The following SEPTIN9 variants were observed in gnomAD, a reference collection of about 807,000 sequenced individuals.
SEPTIN9 encodes the protein septin-9.
A neutral mutation model predicts 56.6 loss-of-function variants in SEPTIN9; 13 were observed. The observed-to-expected ratio is 0.23, with a 90% CI of 0.15 to 0.37. SEPTIN9 has a LOEUF of 0.37. Ranked by LOEUF, SEPTIN9 falls within the 10% of genes least tolerant of loss-of-function variation. The pLI is 1.00. For synonymous variants in SEPTIN9, 332 were observed against 334.1 expected (o/e 0.99, Z 0.07); for missense variants, 650 against 823.1 (o/e 0.79, Z 2.57).
intron 2 of SEPTIN9, among the ~76,000 whole-genome samples, chr17:77,311,760 C>T (rs960854396): frequency 1.4e-4 from 21 of 152,252 alleles, no homozygotes; most frequent in Admixed American, 1.2e-3. Flanking sequence ...CAAAGTGTGT[C>T]GGACGAACAG....
intron 3 of SEPTIN9, among the ~76,000 whole-genome samples, chr17:77,481,669 G>A (rs1442202560): frequency 6.6e-6 from 1 of 152,234 alleles, no homozygotes; most frequent in Non-Finnish European, 1.5e-5. Context: ...AGGCCTTTGA[G>A]TGGCAGCAGG....
intron 3 of SEPTIN9, among the ~76,000 whole-genome samples, chr17:77,460,463 CCTT>C (rs1284692037): frequency 2.5e-4 from 38 of 152,302 alleles, no homozygotes; most frequent in African/African-American, 8.7e-4. Flanking sequence ...GGGCCCCTCT[CCTT>C]CTGGGTCCTA....
At position 77,405,251 on chromosome 17, in the gene SEPTIN9, A is replaced by C. The variant is rs1598321457; in HGVS notation, c.721+2548A>C. 2 of 903,402 alleles carry C rather than the reference A, an allele frequency of 2.2e-6. No individual in the cohort carries two copies. Among genetic ancestry groups the C allele is most frequent in the Non-Finnish European group, 3.3e-6 (2 of 600,658 alleles). 56.0% of individuals were successfully genotyped at this position (903,402 alleles called of 1,614,324 possible). Reference sequence around the variant, plus strand: ...GCCGGGAGCCAGGCCCAGGGACACAACCTGCGGGCTCTGCTTTCTGGAGCT... The same window carrying C: ...GCCGGGAGCCAGGCCCAGGGACACACCCTGCGGGCTCTGCTTTCTGGAGCT... On this transcript the variant is annotated intron_variant, in intron 3 of 11. Transcript: ENST00000427177. This position sits in a 1 kb window ranked among gnomAD's most constrained non-coding sequence, Gnocchi z 5.8.
In SEPTIN9 at chr17:77,357,276, G is replaced by A. The variant is rs142748223; in HGVS notation, c.77-44783G>A. 2.3e-4 allele frequency among the ~76,000 whole-genome samples: 35 copies of A among 152,258 alleles called. No homozygotes were observed. The East Asian group carries it at 6.4e-3, about 28-fold the overall frequency. On this transcript the variant is annotated intron_variant, in intron 2 of 11. Transcript: ENST00000427177. ...ACAAGGACACATCCACAGGGGCAGGGCTGAAAGTCTGATGCATGGTGTTTT... is the reference window on the plus strand; with the variant it reads ...ACAAGGACACATCCACAGGGGCAGGACTGAAAGTCTGATGCATGGTGTTTT...
At chr17:77,458,170 C>T (rs1295749026) in intron 3 of SEPTIN9, among the ~76,000 whole-genome samples, 2 of 152,230 alleles carry the variant, frequency 1.3e-5, no homozygotes, top group African/African-American at 2.4e-5. Flanking sequence ...CCACCATAGT[C>T]GCTTTCCACC....
Position 77,317,067 on chromosome 17 carries a change from T to C in SEPTIN9, c.76+9870T>C, listed in dbSNP as rs1395590248. On this transcript the variant is annotated intron_variant, in intron 2 of 11. Coordinates refer to ENST00000427177, the MANE Select transcript of SEPTIN9 (RefSeq NM_001113491.2). This position sits in a 1 kb window ranked among gnomAD's most constrained non-coding sequence, Gnocchi z 4.2. ...TAGTGGTTGGCTTAACACAATGTTT[T>C]AGGAAGAAATAGAATAACAGAAAGC... Among the ~76,000 whole-genome samples the C allele has an allele frequency of 2.0e-5, 3 of 152,184 alleles. No individual in the cohort carries two copies. The highest frequency in any genetic ancestry group is 7.2e-5 in the African/African-American group (3 of 41,428).
At chr17:77,387,554 G>A (rs2035379561) in intron 2 of SEPTIN9, among the ~76,000 whole-genome samples, 2 of 152,188 alleles carry the variant, frequency 1.3e-5, no homozygotes, top group South Asian at 4.1e-4. Flanking sequence ...TGAGCGGAGG[G>A]AACGCTGCTG....
At chr17:77,431,830 CAAAAAAAAAAA>C (rs61461406) in intron 3 of SEPTIN9, among the ~76,000 whole-genome samples, 2 of 55,250 alleles carry the variant, frequency 3.6e-5, no homozygotes, top group Non-Finnish European at 8.2e-5. Context: ...AATGCTGTCT[CAAAAAAAAAAA>C]AAAAAAAAAA....
intron 2 of SEPTIN9, among the ~76,000 whole-genome samples, chr17:77,345,934 GTTTTGTTTTGTT>G (rs1568005453): frequency 2.1e-4 from 2 of 9,638 alleles, no homozygotes; most frequent in African/African-American, 9.2e-4. Flanking sequence ...TTTTTTTGTT[GTTTTGTTTTGTT>G]TTGTTTTGTT....
At chr17:77,356,669 T>TC (rs1430175939) in intron 2 of SEPTIN9, among the ~76,000 whole-genome samples, 1 of 45,046 alleles carries the variant, frequency 2.2e-5, no homozygotes. Flanking sequence ...CTGCTTTCCC[T>TC]CCCCCTCCCC....
chr17:77,352,299 C>T (rs2034090649), intron 2 of SEPTIN9, among the ~76,000 whole-genome samples: 1 of 151,390 alleles, frequency 6.6e-6, no homozygotes, highest in Non-Finnish European at 1.5e-5. Flanking sequence ...CCCAGCTGCT[C>T]AGGAGGCTGA....
In SEPTIN9 at chr17:77,313,481, A is replaced by G. The variant is rs1274619205; in HGVS notation, c.76+6284A>G. On this transcript the variant is annotated intron_variant, in intron 2 of 11. Coordinates refer to ENST00000427177, the MANE Select transcript of SEPTIN9 (RefSeq NM_001113491.2). This position sits in a 1 kb window ranked among gnomAD's most constrained non-coding sequence, Gnocchi z 4.5. The stretch of plus-strand genomic sequence containing the variant: ...TAGGAACAGCCAAAGTCTGAGGCAC[A>G]ATAAAAAGTGGAGAAAGATTCCAGA... 6.6e-6 allele frequency among the ~76,000 whole-genome samples: 1 copy of G among 152,234 alleles called. No individual in the cohort carries two copies. The highest frequency in any genetic ancestry group is 1.5e-5 in the Non-Finnish European group (1 of 68,034).
intron 2 of SEPTIN9, among the ~76,000 whole-genome samples, chr17:77,349,091 T>C (rs2033977278): frequency 6.6e-6 from 1 of 152,084 alleles, no homozygotes; most frequent in African/African-American, 2.4e-5. Flanking sequence ...CATTCTTTCT[T>C]TTTTTATTTT....
intron 1 of SEPTIN9, among the ~76,000 whole-genome samples, 193 bp from the exon 2 acceptor site, chr17:77,306,948 A>G (rs1166072151): frequency 1.3e-5 from 2 of 152,208 alleles, no homozygotes. Context: ...GCAGCCAGAC[A>G]GCAGTGGCTG....
At chr17:77,341,839 T>A (rs1468016994) in intron 2 of SEPTIN9, among the ~76,000 whole-genome samples, 6 of 149,846 alleles carry the variant, frequency 4.0e-5, no homozygotes, top group African/African-American at 1.5e-4. Flanking sequence ...TCCCAGCACT[T>A]TGGGAGGCCG....
At chr17:77,412,887 A>C (rs960099697) in intron 3 of SEPTIN9, among the ~76,000 whole-genome samples, 3 of 152,140 alleles carry the variant, frequency 2.0e-5, no homozygotes, top group African/African-American at 7.2e-5. Flanking sequence ...TTTGGAATTC[A>C]CATCCTGTTT....
Position 77,475,995 on chromosome 17 carries a change from C to G in SEPTIN9, c.722-6149C>G. 7.2e-7 allele frequency: 1 copy of G among 1,382,422 alleles called. No individual in the cohort carries two copies. The highest frequency in any genetic ancestry group is 1.0e-6 in the Non-Finnish European group (1 of 1,001,842). 85.6% of individuals were successfully genotyped at this position (1,382,422 alleles called of 1,614,324 possible). On this transcript the variant is annotated intron_variant, in intron 3 of 11. Transcript: ENST00000427177. The surrounding 1 kb of genome is among the most constrained non-coding windows in gnomAD (Gnocchi z 4.6). The stretch of plus-strand genomic sequence containing the variant: ...ACAGGGGAATGGCATTGACTTGACC[C>G]TGAGCACTTTGTCCTGGGGTGCAGG...
intron 2 of SEPTIN9, chr17:77,373,201 G>C: frequency 9.1e-7 from 1 of 1,093,392 alleles, no homozygotes; most frequent in Non-Finnish European, 1.1e-6. Context: ...CCCAGGCCTG[G>C]CCTTGACAGG....
In SEPTIN9 at chr17:77,497,325, C is replaced by G. The variant is rs373520148; in HGVS notation, c.1584C>G (p.Thr528=). Residue 528 remains threonine, a synonymous_variant, in exon 11 of 12, where the codon ACC becomes ACG. Coordinates refer to ENST00000427177, the MANE Select transcript of SEPTIN9 (RefSeq NM_001113491.2). ...TGTCTCCTCTCCTAGTTGAAAACAC[C>G]ACACACTGTGAGTTTGCCTACCTGC... is the stretch of plus-strand genomic sequence containing the variant. ...TKWGTIEVEN[T]THCEFAYLRD... 1.4e-5 allele frequency: 23 copies of G among 1,613,684 alleles called. No homozygotes were observed. The highest frequency in any genetic ancestry group is 1.9e-5 in the Non-Finnish European group (23 of 1,179,816).
Sources: allele counts gnomAD v4.1 joint callset (sites outside exome capture counted in the v4.1 genomes callset), GRCh38; gene constraint gnomAD v4.1.1; non-coding constraint Gnocchi (gnomAD v3.1); transcripts MANE v1.5; gene names NCBI Gene and HGNC (gene_info 2026-07-23, HGNC 2026-07-21).